Variants in PVT1 observed in about 807,000 individuals in gnomAD.
The protein encoded by PVT1 is Pvt1 oncogene.
At chr8:127,799,072 C>T (rs553431858) in intron 2 of PVT1, among the ~76,000 whole-genome samples, 70 of 152,116 alleles carry the variant, frequency 4.6e-4, no homozygotes, top group African/African-American at 1.6e-3. Flanking sequence ...TTGCGAAATT[C>T]CGAACTATCT....
At chr8:128,090,390 C>T (rs1461337195) in intron 5 of PVT1, among the ~76,000 whole-genome samples, 1 of 152,188 alleles carries the variant, frequency 6.6e-6, no homozygotes, top group Non-Finnish European at 1.5e-5. Context: ...TTTACATTTC[C>T]CTTATTGTTC....
intron 2 of PVT1, among the ~76,000 whole-genome samples, chr8:127,818,338 C>T (rs899318222): frequency 2.6e-5 from 4 of 152,162 alleles, no homozygotes; most frequent in Non-Finnish European, 2.9e-5. Context: ...CACCCTGCTC[C>T]GGAAGTCTCA....
intron 3 of PVT1, among the ~76,000 whole-genome samples, chr8:127,910,893 T>TTTG (rs1554596303): frequency 0.013 from 1,888 of 140,658 alleles, 38 homozygotes; most frequent in African/African-American, 0.048. Context: ...GTGTGTGTGT[T>TTTG]TGTGTGTGTG....
chr8:128,039,219 C>G (rs982863207), intron 4 of PVT1, among the ~76,000 whole-genome samples: 14 of 148,172 alleles, frequency 9.4e-5, no homozygotes, highest in African/African-American at 3.3e-4. Context: ...TTGCAGAGCA[C>G]CTGCTCAGGT....
chr8:128,000,721 AT>A (rs1817166842), intron 4 of PVT1, among the ~76,000 whole-genome samples: 1 of 152,168 alleles, frequency 6.6e-6, no homozygotes, highest in Admixed American at 6.5e-5. Flanking sequence ...ACAATAGTTG[AT>A]TTTAGTGTGT....
At chr8:127,883,111 C>T (rs1815488128) in intron 2 of PVT1, among the ~76,000 whole-genome samples, 1 of 151,088 alleles carries the variant, frequency 6.6e-6, no homozygotes, top group African/African-American at 2.4e-5. Context: ...CCAGAAGGCT[C>T]AGAGACAGAG....
At chr8:127,997,104 G>T (rs1432481436) in intron 4 of PVT1, among the ~76,000 whole-genome samples, 2 of 144,274 alleles carry the variant, frequency 1.4e-5, no homozygotes, top group African/African-American at 5.1e-5. Flanking sequence ...GCCTAGGGTG[G>T]AGTACAATGG....
chr8:127,816,876 A>T (rs1186177138), intron 2 of PVT1, among the ~76,000 whole-genome samples: 2 of 152,106 alleles, frequency 1.3e-5, no homozygotes, highest in Non-Finnish European at 2.9e-5. Context: ...GCCGCTCTGC[A>T]TCATGTTGGT....
At chr8:127,861,462 A>G (rs973342956) in intron 2 of PVT1, among the ~76,000 whole-genome samples, 1 of 152,220 alleles carries the variant, frequency 6.6e-6, no homozygotes, top group African/African-American at 2.4e-5. Flanking sequence ...TTGATCAAAT[A>G]TAGATCACCC....
rs556359029 is a variant in PVT1, at chr8:127,964,238, T to C, written n.783-24924T>C. Among the ~76,000 whole-genome samples, 6 of 152,320 alleles carry C rather than the reference T, an allele frequency of 3.9e-5. No homozygotes were observed. In the South Asian group the frequency reaches 1.2e-3, roughly 32 times the overall value. ...CATTCCCAGATGTTCGGTGGTGTGT[T>C]CCCTGCAGCAGGCCTGCATGCACCT... is the stretch of plus-strand genomic sequence containing the variant. On this transcript the variant is annotated intron_variant and non_coding_transcript_variant, in intron 3 of 10. Transcript: ENST00000651587.
At chr8:128,091,939 T>C (rs1814360327) in intron 5 of PVT1, among the ~76,000 whole-genome samples, 1 of 152,136 alleles carries the variant, frequency 6.6e-6, no homozygotes, top group Non-Finnish European at 1.5e-5. Flanking sequence ...TGCTGAGAGC[T>C]GTCCTCATAA....
intron 5 of PVT1, among the ~76,000 whole-genome samples, chr8:128,077,046 G>T (rs1396654966): frequency 2.0e-5 from 3 of 152,198 alleles, no homozygotes; most frequent in Non-Finnish European, 4.4e-5. Context: ...TCAGATGCCA[G>T]CGGGTTTCCC....
intron 4 of PVT1, among the ~76,000 whole-genome samples, chr8:128,003,176 T>C (rs116451396): frequency 0.025 from 3,272 of 131,336 alleles, 123 homozygotes; most frequent in African/African-American, 0.082. Context: ...TTTTTTTTAG[T>C]AGAGACAGGA....
chr8:128,064,447 C>A (rs574914747), intron 4 of PVT1, among the ~76,000 whole-genome samples: 5 of 152,208 alleles, frequency 3.3e-5, no homozygotes, highest in Non-Finnish European at 7.3e-5. Flanking sequence ...CTAATTGCCT[C>A]CCCCAGCCCA....
chr8:127,821,843 T>C (rs1035139648), intron 2 of PVT1, among the ~76,000 whole-genome samples: 16 of 152,088 alleles, frequency 1.1e-4, no homozygotes, highest in Admixed American at 8.5e-4. Flanking sequence ...AACAATTACA[T>C]GTGTAGTTTG....
intron 3 of PVT1, among the ~76,000 whole-genome samples, chr8:127,981,884 C>G (rs1816886429): frequency 6.6e-6 from 1 of 152,198 alleles, no homozygotes; most frequent in Non-Finnish European, 1.5e-5. Flanking sequence ...GCTGTCTGAC[C>G]ACACCTGCGG....
intron 3 of PVT1, among the ~76,000 whole-genome samples, chr8:127,902,296 A>G (rs1815768528): frequency 6.6e-6 from 1 of 152,176 alleles, no homozygotes; most frequent in Admixed American, 6.5e-5. Flanking sequence ...AGCATCAAGC[A>G]CTTTGACAGT....
chr8:128,053,820 C>T (rs1813728894), intron 4 of PVT1, among the ~76,000 whole-genome samples: 1 of 152,230 alleles, frequency 6.6e-6, no homozygotes, highest in South Asian at 2.1e-4. Context: ...GCTGAGCAAC[C>T]AGAAGGGTTG....
chr8:127,881,002 G>A (rs1433296379), intron 2 of PVT1, among the ~76,000 whole-genome samples: 3 of 152,210 alleles, frequency 2.0e-5, no homozygotes, highest in Non-Finnish European at 4.4e-5. Context: ...CCTGAAGAAT[G>A]GCTCTAAGCA....
Sources: gnomAD v4.1 joint callset for allele counts (sites outside exome capture counted in the v4.1 genomes callset) on GRCh38, gnomAD v4.1.1 for gene constraint, MANE v1.5 for transcripts, NCBI Gene and HGNC (gene_info 2026-07-23, HGNC 2026-07-21) for gene names.